The following DPP6 variants were observed in gnomAD, a reference collection of about 807,000 sequenced individuals.
The protein encoded by DPP6 is dipeptidyl peptidase like 6.
DPP6 carries 69 observed loss-of-function variants against 122.6 expected under a neutral mutation model. The observed-to-expected ratio is 0.56, with a 90% CI of 0.46 to 0.69. DPP6 has a LOEUF of 0.69. Among genes scored for constraint, DPP6 ranks in the 30% least tolerant of loss-of-function variants. DPP6 has a pLI of 0.00. For synonymous variants in DPP6, 418 were observed against 433.1 expected (o/e 0.97, Z 0.43); for missense variants, 928 against 1,116.9 (o/e 0.83, Z 2.41).
chr7:154,511,860 C>G (rs1826117298), intron 3 of DPP6, among the ~76,000 whole-genome samples: 1 of 152,128 alleles, frequency 6.6e-6, no homozygotes, highest in Non-Finnish European at 1.5e-5. Flanking sequence ...TGGTGATATA[C>G]TTTTTATCAT....
intron 5 of DPP6, among the ~76,000 whole-genome samples, chr7:154,580,111 C>A (rs1831954404): frequency 6.6e-6 from 1 of 151,496 alleles, no homozygotes; most frequent in South Asian, 2.1e-4. Context: ...ACTCCAAAAT[C>A]AAGTGGGTAT....
At position 154,315,939 on chromosome 7, in the gene DPP6, G is replaced by C. The variant is rs148311499; in HGVS notation, c.244-130275G>C. 2.0e-5 allele frequency among the ~76,000 whole-genome samples: 3 copies of C among 152,234 alleles called. No homozygotes were observed. The East Asian group carries it at 5.8e-4, about 29-fold the overall frequency. ...TTCTGAAGGACACAAAACATGCCACGTTACTTGTTGTATCTCTGACGCCAA... is the reference window on the plus strand; with the variant it reads ...TTCTGAAGGACACAAAACATGCCACCTTACTTGTTGTATCTCTGACGCCAA... On this transcript the variant is annotated intron_variant, in intron 1 of 25. Transcript: ENST00000377770.
chr7:154,324,255 T>C (rs1216011715), intron 1 of DPP6, among the ~76,000 whole-genome samples: 2 of 152,268 alleles, frequency 1.3e-5, no homozygotes. Context: ...TGATGTCTGC[T>C]CCTAGCCTTT....
At position 154,881,099 on chromosome 7, in the gene DPP6, G is replaced by A. The variant is rs3817518; in HGVS notation, c.2133+157G>A. 0.41 allele frequency: 498,809 copies of A among 1,228,718 alleles called. 103,270 individuals are homozygous for A. The highest frequency in any genetic ancestry group is 0.45 in the South Asian group (20,113 of 45,042). The allele number at this position is 1,228,718 out of a possible 1,614,324, so 76.1% of individuals were successfully genotyped here. ...GCCTGGGTGCTTAGTGATTCCAGCC[G>A]TGGGAGGTTTCATTTGATCAGCTCA... On this transcript the variant is annotated intron_variant, in intron 21 of 25. Transcript: ENST00000377770.
chr7:154,260,481 G>A (rs1253457982), intron 1 of DPP6, among the ~76,000 whole-genome samples: 1 of 151,696 alleles, frequency 6.6e-6, no homozygotes, highest in African/African-American at 2.4e-5. Flanking sequence ...AGTCCGTTGT[G>A]CCATTGTGTC....
chr7:154,874,064 T>C (rs1358722778), intron 19 of DPP6, among the ~76,000 whole-genome samples: 2 of 125,460 alleles, frequency 1.6e-5, no homozygotes, highest in Middle Eastern at 4.8e-3. Flanking sequence ...TATGCACATG[T>C]ATGTGTATAT....
intron 1 of DPP6, among the ~76,000 whole-genome samples, chr7:154,127,672 CACACAA>C (rs1438922804): frequency 2.5e-4 from 36 of 142,424 alleles, no homozygotes; most frequent in Non-Finnish European, 4.4e-4. Context: ...CACACACACA[CACACAA>C]AACAGCTCTT....
chr7:154,332,143 C>T (rs1038881365), intron 1 of DPP6, among the ~76,000 whole-genome samples: 7 of 151,632 alleles, frequency 4.6e-5, no homozygotes, highest in Non-Finnish European at 1.0e-4. Context: ...GCAATCCCAG[C>T]TCACTGCAAC....
intron 1 of DPP6, among the ~76,000 whole-genome samples, chr7:154,072,942 C>T: frequency 6.6e-6 from 1 of 152,238 alleles, no homozygotes; most frequent in East Asian, 1.9e-4. Flanking sequence ...GACCCACACG[C>T]TCACGCAGTT....
chr7:153,964,977 TCC>T lies in DPP6; in HGVS notation c.51+77245_51+77246del, dbSNP rs1563055784. ...CTCTCTTTCTTTCTTTCATTTCTTT[TCC>T]CTTCCTTCCTTCCTTCCTTTCTTCC... On this transcript the variant is annotated intron_variant, in intron 1 of 25. Coordinates refer to the DPP6 transcript ENST00000404039. Among the ~76,000 whole-genome samples, 694 of 102,764 alleles carry T rather than the reference TCC, an allele frequency of 6.8e-3. 184 individuals are homozygous for T. The highest frequency in any genetic ancestry group is 0.034 in the African/African-American group (674 of 19,866). 67.4% of individuals were successfully genotyped at this position (102,764 alleles called of 152,430 possible). A position where few individuals can be genotyped will look rare whatever the true frequency, so the allele number is the denominator to read the frequency against.
At chr7:153,890,123 T>C (rs1196141524) in intron 1 of DPP6, among the ~76,000 whole-genome samples, 1 of 152,216 alleles carries the variant, frequency 6.6e-6, no homozygotes, top group Non-Finnish European at 1.5e-5. Flanking sequence ...TTTACTCCTA[T>C]TACTGACAGC....
At chr7:154,003,610 A>G (rs2129046567) in intron 1 of DPP6, among the ~76,000 whole-genome samples, 1 of 152,158 alleles carries the variant, frequency 6.6e-6, no homozygotes, top group Non-Finnish European at 1.5e-5. Flanking sequence ...TTTAATAAGA[A>G]GGGTTTGGAA....
intron 1 of DPP6, among the ~76,000 whole-genome samples, chr7:154,229,861 C>T (rs1339299593): frequency 6.6e-6 from 1 of 151,928 alleles, no homozygotes; most frequent in East Asian, 1.9e-4. Context: ...TTAGTACAAG[C>T]TTATTTGGTG....
intron 5 of DPP6, among the ~76,000 whole-genome samples, chr7:154,584,255 G>A (rs539422609): frequency 2.0e-5 from 3 of 152,280 alleles, no homozygotes; most frequent in African/African-American, 7.2e-5. Flanking sequence ...TGCAGGCGCT[G>A]TTCCCTCTGC....
chr7:154,450,224 G>A (rs1820244492), intron 2 of DPP6, among the ~76,000 whole-genome samples: 1 of 152,098 alleles, frequency 6.6e-6, no homozygotes, highest in South Asian at 2.1e-4. Context: ...CTAGAGATAG[G>A]AAATAGATTT....
At chr7:153,855,451 G>A in the DPP6 span, among the ~76,000 whole-genome samples, 12 of 152,230 alleles carry the variant, frequency 7.9e-5, no homozygotes, top group African/African-American at 2.4e-4. Context: ...AATCCACTGC[G>A]TGAACTTTGG....
intron 8 of DPP6, among the ~76,000 whole-genome samples, chr7:154,749,505 T>A (rs1843240664): frequency 3.6e-5 from 5 of 139,006 alleles, no homozygotes; most frequent in South Asian, 2.3e-4. Context: ...GGATGGAGGC[T>A]TTACTGAGAG....
intron 1 of DPP6, among the ~76,000 whole-genome samples, chr7:154,026,130 C>T (rs1373188845): frequency 2.6e-5 from 4 of 151,524 alleles, no homozygotes; most frequent in Non-Finnish European, 5.9e-5. Flanking sequence ...GATCTGAGGT[C>T]AGGTACGCAG....
At position 154,876,037 on chromosome 7, in the gene DPP6, T is replaced by A. The variant is rs1380355568; in HGVS notation, c.2015T>A (p.Leu672His). The part of the protein sequence containing the change: ...GRGSGFQGTK[L>H]LHEVRRRLGL... ...GGCAGCGGCTTCCAAGGGACCAAGC[T>A]CCTGCACGAAGTGAGGCGGCGGCTG... The change falls in exon 20 of 26, where the codon CTC (leucine) becomes CAC (histidine). Residue 672 changes from leucine (L) to histidine (H), a missense_variant. By Grantham distance (99) the Leu-to-His change is moderately conservative. Coordinates refer to ENST00000377770, the MANE Select transcript of DPP6 (RefSeq NM_130797.4). The A allele has an allele frequency of 1.2e-6, 2 of 1,612,278 alleles. No homozygotes were observed. Among genetic ancestry groups the A allele is most frequent in the Admixed American group, 3.3e-5 (2 of 59,962 alleles).
Sources: allele counts gnomAD v4.1 joint callset (sites outside exome capture counted in the v4.1 genomes callset), GRCh38; gene constraint gnomAD v4.1.1; transcripts MANE v1.5; gene names NCBI Gene and HGNC (gene_info 2026-07-23, HGNC 2026-07-21).